The following OXR1 variants were observed in gnomAD, a reference collection of about 807,000 sequenced individuals.
OXR1 encodes oxidation resistance protein 1.
OXR1 carries 41 observed loss-of-function variants against 104.6 expected under a neutral mutation model. The observed-to-expected ratio is 0.39, with a 90% CI of 0.31 to 0.51. The LOEUF is 0.51. OXR1 is among the 20% of genes least tolerant of loss of function. The pLI is 0.77. For missense variants in OXR1, 955 were observed against 1,031.9 expected (o/e 0.93, Z 1.02); for synonymous variants, 348 against 348.4 (o/e 1.00, Z 0.01).
At chr8:106,484,093 A>G (rs1822299645) in intron 2 of OXR1, among the ~76,000 whole-genome samples, 2 of 152,274 alleles carry the variant, frequency 1.3e-5, no homozygotes, top group South Asian at 4.1e-4. Context: ...ATTAAAATAG[A>G]AAAATGTCTG....
intron 1 of OXR1, among the ~76,000 whole-genome samples, chr8:106,307,060 A>G (rs1002880919): frequency 6.6e-6 from 1 of 152,214 alleles, no homozygotes; most frequent in Non-Finnish European, 1.5e-5. Context: ...TCTAAAAATA[A>G]TAACAGGATT....
chr8:106,548,671 T>C (rs974982362), intron 3 of OXR1, among the ~76,000 whole-genome samples: 1 of 152,214 alleles, frequency 6.6e-6, no homozygotes, highest in African/African-American at 2.4e-5. Context: ...AATTTATTAG[T>C]ATACTGTATG....
intron 3 of OXR1, among the ~76,000 whole-genome samples, chr8:106,560,760 C>T (rs1816615209): frequency 6.6e-6 from 1 of 152,106 alleles, no homozygotes; most frequent in Admixed American, 6.5e-5. Context: ...CAGCTCCCAG[C>T]AAGACCAATG....
At chr8:106,417,877 A>C (rs1818742848) in intron 2 of OXR1, among the ~76,000 whole-genome samples, 1 of 152,180 alleles carries the variant, frequency 6.6e-6, no homozygotes. Flanking sequence ...GACTGCAAGG[A>C]AAGTGCAGTA....
chr8:106,548,310 A>C (rs1815533381), intron 3 of OXR1, among the ~76,000 whole-genome samples: 1 of 152,178 alleles, frequency 6.6e-6, no homozygotes, highest in Non-Finnish European at 1.5e-5. Flanking sequence ...ACGACTACTT[A>C]ACATCTTTCC....
chr8:106,375,997 A>T (rs1199789448), intron 2 of OXR1, among the ~76,000 whole-genome samples: 3 of 152,150 alleles, frequency 2.0e-5, no homozygotes, highest in Non-Finnish European at 4.4e-5. Flanking sequence ...CTACAGGCAC[A>T]TGCCACCAAC....
rs193273637 is a variant in OXR1 at position 106,400,758 on chromosome 8, A to C, written c.23+41122A>C. Among the ~76,000 whole-genome samples the C allele has an allele frequency of 3.9e-3, 595 of 152,316 alleles. 14 individuals are homozygous for C. The highest frequency in any genetic ancestry group is 0.035 in the Admixed American group (531 of 15,260). The stretch of plus-strand genomic sequence containing the variant: ...ATAATGAGATTTCATTCTGAATCAC[A>C]CTTAGAGACAGAGTATCTAATTGCA... On this transcript the variant is annotated intron_variant, in intron 2 of 16. Transcript: ENST00000517566.
chr8:106,456,311 C>T (rs989697298), intron 2 of OXR1, among the ~76,000 whole-genome samples: 1 of 152,042 alleles, frequency 6.6e-6, no homozygotes, highest in African/African-American at 2.4e-5. Context: ...GTCATATGAC[C>T]GTCTCATAGT....
intron 9 of OXR1, among the ~76,000 whole-genome samples, chr8:106,710,300 A>G (rs907102229): frequency 6.1e-5 from 9 of 148,074 alleles, no homozygotes; most frequent in Admixed American, 5.4e-4. Flanking sequence ...TATATATATT[A>G]TGTGTGTGTA....
chr8:106,589,962 C>T (rs772122073), intron 3 of OXR1, among the ~76,000 whole-genome samples: 3 of 152,150 alleles, frequency 2.0e-5, no homozygotes, highest in African/African-American at 7.2e-5. Flanking sequence ...CCACCATGCC[C>T]GGCCAGCTAC....
chr8:106,607,336 TAA>T (rs1488885587), intron 3 of OXR1, among the ~76,000 whole-genome samples: 3 of 152,228 alleles, frequency 2.0e-5, no homozygotes, highest in Non-Finnish European at 4.4e-5. Flanking sequence ...ATTTTTGACA[TAA>T]GTTATCCCTT....
chr8:106,521,627 C>T (rs188744288), intron 3 of OXR1, among the ~76,000 whole-genome samples: 48 of 152,302 alleles, frequency 3.2e-4, no homozygotes, highest in Admixed American at 1.8e-3. Context: ...ATTCTCCTGC[C>T]TCAGCCTCCC....
chr8:106,336,689 A>G (rs1814982056), intron 1 of OXR1, among the ~76,000 whole-genome samples: 1 of 152,174 alleles, frequency 6.6e-6, no homozygotes, highest in African/African-American at 2.4e-5. Flanking sequence ...CCAGATATTG[A>G]CTTCAGCTTT....
intron 1 of OXR1, among the ~76,000 whole-genome samples, chr8:106,277,223 A>G (rs909067385): frequency 6.6e-6 from 1 of 152,222 alleles, no homozygotes; most frequent in Non-Finnish European, 1.5e-5. Context: ...TTGAAAGAAC[A>G]TTCTCTTTAG....
At chr8:106,477,646 G>T (rs1319950857) in intron 2 of OXR1, among the ~76,000 whole-genome samples, 1 of 151,382 alleles carries the variant, frequency 6.6e-6, no homozygotes, top group Non-Finnish European at 1.5e-5. Flanking sequence ...ATATTTCTAG[G>T]TTACAAAGTT....
intron 2 of OXR1, among the ~76,000 whole-genome samples, chr8:106,474,227 C>A (rs1821682202): frequency 6.6e-6 from 1 of 151,166 alleles, no homozygotes; most frequent in Admixed American, 6.6e-5. Context: ...TTTCGAATGT[C>A]TGATCATGAA....
rs184606634 is a variant in OXR1, at chr8:106,512,381, C to A, written c.24-6562C>A. Among the ~76,000 whole-genome samples the A allele has an allele frequency of 2.6e-5, 4 of 152,212 alleles. No individual in the cohort carries two copies. The East Asian group carries it at 7.7e-4, about 29-fold the overall frequency. Reference sequence around the variant, plus strand: ...AAGGCCTAGGGAATATTCCCATATGCTATAGTGGGTTTTCTCAACTGTTGC... The same window carrying A: ...AAGGCCTAGGGAATATTCCCATATGATATAGTGGGTTTTCTCAACTGTTGC... On this transcript the variant is annotated intron_variant, in intron 2 of 16. Transcript: ENST00000517566.
chr8:106,465,630 G>C (rs757770871), intron 2 of OXR1, among the ~76,000 whole-genome samples: 2 of 151,942 alleles, frequency 1.3e-5, no homozygotes, highest in Non-Finnish European at 2.9e-5. Flanking sequence ...AGTATACCCT[G>C]CAAGATTTGA....
At chr8:106,292,409 G>T (rs1433013050) in intron 1 of OXR1, among the ~76,000 whole-genome samples, 1 of 152,102 alleles carries the variant, frequency 6.6e-6, no homozygotes, top group Non-Finnish European at 1.5e-5. Flanking sequence ...TTAGTTTTGT[G>T]GTTGCACCTC....
Sources: allele counts gnomAD v4.1 joint callset (sites outside exome capture counted in the v4.1 genomes callset), GRCh38; gene constraint gnomAD v4.1.1; transcripts MANE v1.5; gene names NCBI Gene and HGNC (gene_info 2026-07-23, HGNC 2026-07-21).